Variants in CALM3 observed in about 807,000 individuals in gnomAD.
The protein encoded by CALM3 is calmodulin 3, also known as calmodulin-3.
In CALM3, 5 loss-of-function variants were observed where a neutral mutation model predicts 20.1. That is an observed-to-expected ratio of 0.25 (90% CI 0.13 to 0.52). The LOEUF (loss-of-function observed/expected upper bound fraction) is 0.52. Ranked by LOEUF, CALM3 falls within the 20% of genes least tolerant of loss-of-function variation. The pLI is 0.96. For synonymous variants in CALM3, 69 were observed against 68.1 expected (o/e 1.01, Z -0.06); for missense variants, 57 against 192.8 (o/e 0.30, Z 4.17).
intron 1 of CALM3, among the ~76,000 whole-genome samples, chr19:46,603,291 A>C (rs1471591985): frequency 2.0e-5 from 3 of 152,212 alleles, no homozygotes; most frequent in Admixed American, 1.3e-4. Context: ...CAGGCCCCCT[A>C]CCTCCAGAAT....
Position 46,608,540 on chromosome 19 carries a change from C to T in CALM3, c.237C>T (p.Asp79=), listed in dbSNP as rs147734536. The T allele has an allele frequency of 8.1e-6, 13 of 1,614,048 alleles. No individual in the cohort carries two copies. In the African/African-American group the frequency reaches 9.3e-5, roughly 12 times the overall value. The change falls in exon 4 of 6, where the codon GAC becomes GAT. Residue 79 remains aspartate, a synonymous_variant. Coordinates refer to ENST00000291295, the MANE Select transcript of CALM3 (RefSeq NM_005184.4). The surrounding 1 kb of genome is among the most constrained non-coding windows in gnomAD (Gnocchi z 5.5). ...CCATGATGGCCAGAAAGATGAAGGACACAGACAGTGAGGAGGAGATCCGAG... is the reference window on the plus strand; with the variant it reads ...CCATGATGGCCAGAAAGATGAAGGATACAGACAGTGAGGAGGAGATCCGAG... ...FLTMMARKMK[D]TDSEEEIREA...
At position 46,601,585 on chromosome 19, in the gene CALM3, G is replaced by A; in HGVS notation, c.3+148G>A. The A allele has an allele frequency of 1.3e-6, 1 of 750,560 alleles. No homozygotes were observed. The highest frequency in any genetic ancestry group is 1.9e-6 in the Non-Finnish European group (1 of 520,264). 46.5% of individuals were successfully genotyped at this position (750,560 alleles called of 1,614,324 possible). On this transcript the variant is annotated intron_variant, in intron 1 of 5. Transcript: ENST00000291295. The surrounding 1 kb of genome is among the most constrained non-coding windows in gnomAD (Gnocchi z 4.2). ...CCCTTTTCTACCCGCGTTGTCGGGG[G>A]CTGTTGAACCCAGAGCGGGACGTCT... is the stretch of plus-strand genomic sequence containing the variant.
rs928079454 is a variant in CALM3 at position 46,601,330 on chromosome 19, A to G, written c.-105A>G. The G allele has an allele frequency of 1.3e-5, 13 of 983,628 alleles. No homozygotes were observed. The African/African-American group carries it at 2.0e-4, about 15-fold the overall frequency. 60.9% of individuals were successfully genotyped at this position (983,628 alleles called of 1,614,324 possible). On this transcript the variant is annotated 5_prime_UTR_variant, in exon 1 of 6. Transcript: ENST00000291295. This position sits in a 1 kb window ranked among gnomAD's most constrained non-coding sequence, Gnocchi z 4.2. The stretch of plus-strand genomic sequence containing the variant: ...GGCGGCGGCGGCGCGCGCTGCGGGC[A>G]GTGAGTGTGGAGGCGCGGACGCGCG...
At chr19:46,606,152 C>G in intron 2 of CALM3, 2 of 346,790 alleles carry the variant, frequency 5.8e-6, no homozygotes, top group Non-Finnish European at 1.1e-5. Context: ...GAGCCCAACT[C>G]TCTCTCCCAG....
chr19:46,601,336 TG>T lies in CALM3; in HGVS notation c.-98del. 8.0e-7 allele frequency: 1 copy of T among 1,252,686 alleles called. No individual in the cohort carries two copies. The allele number at this position is 1,252,686 out of a possible 1,614,324, so 77.6% of individuals were successfully genotyped here. The stretch of plus-strand genomic sequence containing the variant: ...GGCGGCGCGCGCTGCGGGCAGTGAG[TG>T]TGGAGGCGCGGACGCGCGGCGGAGC... On this transcript the variant is annotated 5_prime_UTR_variant, in exon 1 of 6. Coordinates refer to ENST00000291295, the MANE Select transcript of CALM3 (RefSeq NM_005184.4). The surrounding 1 kb of genome is among the most constrained non-coding windows in gnomAD (Gnocchi z 4.2).
chr19:46,608,467 T>C lies in CALM3; in HGVS notation c.179-15T>C. The C allele has an allele frequency of 6.2e-7, 1 of 1,612,560 alleles. No homozygotes were observed. The highest frequency in any genetic ancestry group is 8.5e-7 in the Non-Finnish European group (1 of 1,178,664). On this transcript the variant is annotated splice_polypyrimidine_tract_variant and intron_variant, in intron 3 of 5. Coordinates refer to ENST00000291295, the MANE Select transcript of CALM3 (RefSeq NM_005184.4). The surrounding 1 kb of genome is among the most constrained non-coding windows in gnomAD (Gnocchi z 5.5). ...CCAGGCCAAGAGCATTCTCCATCCT[T>C]TCCCCACCTTCCAGGGAACGGGACC... is the stretch of plus-strand genomic sequence containing the variant.
chr19:46,603,069 T>C (rs891857726), intron 1 of CALM3, among the ~76,000 whole-genome samples: 1 of 152,208 alleles, frequency 6.6e-6, no homozygotes, highest in African/African-American at 2.4e-5. Context: ...GACTAGTTCT[T>C]TCCTACTCCC....
chr19:46,607,862 CA>C (rs34980968), intron 2 of CALM3: 159,167 of 211,150 alleles, frequency 0.75, 61,285 homozygotes, highest in East Asian at 0.94. Flanking sequence ...TTCATCATTT[CA>C]AGGGAGAAGT....
rs1004029999 is a variant in CALM3 at position 46,610,564 on chromosome 19, C to T, written c.*1411C>T. 1 of 147,080 alleles carries T rather than the reference C, an allele frequency of 6.8e-6. No individual in the cohort carries two copies. The highest frequency in any genetic ancestry group is 1.5e-5 in the Non-Finnish European group (1 of 66,858). 9.1% of individuals were successfully genotyped at this position (147,080 alleles called of 1,614,324 possible). A position where few individuals can be genotyped will look rare whatever the true frequency, so the allele number is the denominator to read the frequency against. On this transcript the variant is annotated 3_prime_UTR_variant, in exon 6 of 6. Coordinates refer to ENST00000291295, the MANE Select transcript of CALM3 (RefSeq NM_005184.4). Reference sequence around the variant, plus strand: ...CTGCCCAGCTTTGAGAATCTCTTCTCATCCACCCTCTGGCACCCAGCCTCT... The same window carrying T: ...CTGCCCAGCTTTGAGAATCTCTTCTTATCCACCCTCTGGCACCCAGCCTCT...
At chr19:46,602,254 G>T in intron 1 of CALM3, 1 of 1,323,240 alleles carries the variant, frequency 7.6e-7, no homozygotes, top group Non-Finnish European at 1.0e-6. Flanking sequence ...GGGACCCTTG[G>T]GGTTAATTTG....
At position 46,606,142 on chromosome 19, in the gene CALM3, G is replaced by A. The variant is rs549848361; in HGVS notation, c.34+285G>A. 758 of 378,798 alleles carry A rather than the reference G, an allele frequency of 2.0e-3. 2 individuals carry two copies. The highest frequency in any genetic ancestry group is 3.2e-3 in the Non-Finnish European group (663 of 205,700). The allele number at this position is 378,798 out of a possible 1,614,324, so 23.5% of individuals were successfully genotyped here. A position where few individuals can be genotyped will look rare whatever the true frequency, so the allele number is the denominator to read the frequency against. On this transcript the variant is annotated intron_variant, in intron 2 of 5. Coordinates refer to ENST00000291295, the MANE Select transcript of CALM3 (RefSeq NM_005184.4). ...GGCTTGATATCAGTGGCTGCAGGAC[G>A]AGCCCAACTCTCTCTCCCAGCTTCA...
At chr19:46,606,486 C>G (rs1444134894) in intron 2 of CALM3, 9 of 152,346 alleles carry the variant, frequency 5.9e-5, no homozygotes, top group Admixed American at 5.9e-4. Context: ...ACCTTTCTCG[C>G]TGTCTGAAAT....
chr19:46,605,979 A>G lies in CALM3; in HGVS notation c.34+122A>G. 3.5e-6 allele frequency: 3 copies of G among 856,118 alleles called. No individual in the cohort carries two copies. Among genetic ancestry groups the G allele is most frequent in the Non-Finnish European group, 5.9e-6 (3 of 511,962 alleles). The allele number at this position is 856,118 out of a possible 1,614,324, so 53.0% of individuals were successfully genotyped here. ...TGTATCCCTTGTGTCACCTAACACTATGCCTTGTGCCTAGAATGCTGATAA... is the reference window on the plus strand; with the variant it reads ...TGTATCCCTTGTGTCACCTAACACTGTGCCTTGTGCCTAGAATGCTGATAA... On this transcript the variant is annotated intron_variant, in intron 2 of 5. Transcript: ENST00000291295. The surrounding 1 kb of genome is among the most constrained non-coding windows in gnomAD (Gnocchi z 4.1).
rs915213434 is a variant in CALM3, at chr19:46,601,835, G to A, written c.3+398G>A. On this transcript the variant is annotated intron_variant, in intron 1 of 5. Coordinates refer to ENST00000291295, the MANE Select transcript of CALM3 (RefSeq NM_005184.4). This position sits in a 1 kb window ranked among gnomAD's most constrained non-coding sequence, Gnocchi z 4.2. ...AATAAGAAAGATGGGCTGGGGAGGG[G>A]AGCTATTCGGGCCCTGATGAAGGCG... Among the ~76,000 whole-genome samples, 2 of 152,062 alleles carry A rather than the reference G, an allele frequency of 1.3e-5. No individual in the cohort carries two copies. Among genetic ancestry groups the A allele is most frequent in the African/African-American group, 4.8e-5 (2 of 41,392 alleles).
At chr19:46,601,311 GGCGGCGCGCGCT>G (rs1971608159), upstream of CALM3, 3 of 894,806 alleles carry the variant, frequency 3.4e-6, no homozygotes, top group East Asian at 8.1e-5. This position sits in a 1 kb window ranked among gnomAD's most constrained non-coding sequence, Gnocchi z 4.2. Flanking sequence ...CGGCGGCGGC[GGCGGCGCGCGCT>G]GCGGGCAGTG....
rs1002750120 is a variant in CALM3, at chr19:46,601,816, A to C, written c.3+379A>C. On this transcript the variant is annotated intron_variant, in intron 1 of 5. Transcript: ENST00000291295. The surrounding 1 kb of genome is among the most constrained non-coding windows in gnomAD (Gnocchi z 4.2). ...TTTGGACCCCAGGGGACGAAATAAG[A>C]AAGATGGGCTGGGGAGGGGAGCTAT... is the stretch of plus-strand genomic sequence containing the variant. 1.3e-5 allele frequency among the ~76,000 whole-genome samples: 2 copies of C among 152,002 alleles called. No individual in the cohort carries two copies. The highest frequency in any genetic ancestry group is 2.9e-5 in the Non-Finnish European group (2 of 68,008).
At position 46,608,704 on chromosome 19, in the gene CALM3, C is replaced by T; in HGVS notation, c.285+116C>T. The stretch of plus-strand genomic sequence containing the variant: ...GAGGTCCGGGTCCCGGTGCCAGCCT[C>T]ATTGCCAACCTGCTCTGCCACCTCA... On this transcript the variant is annotated intron_variant, in intron 4 of 5. Coordinates refer to ENST00000291295, the MANE Select transcript of CALM3 (RefSeq NM_005184.4). This position sits in a 1 kb window ranked among gnomAD's most constrained non-coding sequence, Gnocchi z 5.5. 1 of 1,258,940 alleles carries T rather than the reference C, an allele frequency of 7.9e-7. No homozygotes were observed. Among genetic ancestry groups the T allele is most frequent in the Non-Finnish European group, 1.1e-6 (1 of 896,188 alleles). 78.0% of individuals were successfully genotyped at this position (1,258,940 alleles called of 1,614,324 possible). A position where few individuals can be genotyped will look rare whatever the true frequency, so the allele number is the denominator to read the frequency against.
chr19:46,606,978 G>A (rs147166843), intron 2 of CALM3, among the ~76,000 whole-genome samples: 1 of 152,254 alleles, frequency 6.6e-6, no homozygotes, highest in African/African-American at 2.4e-5. Flanking sequence ...AGGCAGGAAC[G>A]GACTTGCCTT....
chr19:46,605,834 A>T lies in CALM3; in HGVS notation c.11A>T (p.Gln4Leu). The T allele has an allele frequency of 6.2e-7, 1 of 1,614,138 alleles. No homozygotes were observed. The highest frequency in any genetic ancestry group is 8.5e-7 in the Non-Finnish European group (1 of 1,179,982). Residue 4 changes from glutamine (Q) to leucine (L), a missense_variant, in exon 2 of 6, where the codon CAG becomes CTG. Physicochemically the swap from Gln to Leu is moderately radical, Grantham distance 113 (BLOSUM62 -2). Transcript: ENST00000291295. This position sits in a 1 kb window ranked among gnomAD's most constrained non-coding sequence, Gnocchi z 4.1. ...CCCTTCATGCTTTTACAGGCTGACC[A>T]GCTGACTGAGGAGCAGATTGCAGGT... MAD[Q>L]LTEEQIAEFK... is the part of the protein sequence containing the mutation.
Sources: allele counts gnomAD v4.1 joint callset (sites outside exome capture counted in the v4.1 genomes callset), GRCh38; gene constraint gnomAD v4.1.1; non-coding constraint Gnocchi (gnomAD v3.1); transcripts MANE v1.5; gene names NCBI Gene and HGNC (gene_info 2026-07-23, HGNC 2026-07-21).